The following PCBP3 variants were observed in gnomAD, a reference collection of about 807,000 sequenced individuals.
PCBP3 encodes the protein poly(rC)-binding protein 3.
Under a neutral mutation model 52.7 loss-of-function variants are expected in PCBP3, and 25 were observed. The observed-to-expected ratio is 0.47, with a 90% CI of 0.35 to 0.66. The LOEUF is 0.66. Ranked by LOEUF, PCBP3 falls within the 30% of genes least tolerant of loss-of-function variation. The probability of loss-of-function intolerance (pLI) is 0.01; values close to 1 mark genes in which losing one functional copy is unlikely to be tolerated. For missense variants in PCBP3, 391 were observed against 490.3 expected, an observed-to-expected ratio of 0.80 and a Z score of 1.91; for synonymous variants, 162 against 183.0, an observed-to-expected ratio of 0.89 and a Z score of 0.93.
chr21:45,842,265 C>T (rs750696416), intron 4 of PCBP3, among the ~76,000 whole-genome samples: 2 of 152,140 alleles, frequency 1.3e-5, no homozygotes, highest in Admixed American at 6.5e-5. Flanking sequence ...ACTACAAGTA[C>T]GATTTGGAGT....
intron 3 of PCBP3, among the ~76,000 whole-genome samples, chr21:45,745,998 T>C (rs1449001928): frequency 7.3e-6 from 1 of 136,758 alleles, no homozygotes; most frequent in Non-Finnish European, 1.6e-5. Flanking sequence ...CACACGGTGT[T>C]GTGTCAGCAT....
chr21:45,787,783 A>G (rs2091262067), intron 4 of PCBP3, among the ~76,000 whole-genome samples: 1 of 152,226 alleles, frequency 6.6e-6, no homozygotes, highest in Non-Finnish European at 1.5e-5. Context: ...GGTCTGTAGC[A>G]TGCCAGGCAC....
In PCBP3 at chr21:45,827,655, T is replaced by G. The variant is rs1485841478; in HGVS notation, c.-125-22306T>G. ...TAGAAATTCACATTGTACACTGTGA[T>G]GTATGCAGTTTTATGTACATCAGTT... On this transcript the variant is annotated intron_variant, in intron 4 of 17. Coordinates refer to ENST00000681687, the MANE Select transcript of PCBP3 (RefSeq NM_001384156.1). The surrounding 1 kb of genome is among the most constrained non-coding windows in gnomAD (Gnocchi z 4.3). 2.0e-5 allele frequency among the ~76,000 whole-genome samples: 3 copies of G among 152,206 alleles called. No homozygotes were observed. The highest frequency in any genetic ancestry group is 7.2e-5 in the African/African-American group (3 of 41,458).
At chr21:45,687,376 T>C (rs2147702507) in intron 2 of PCBP3, among the ~76,000 whole-genome samples, 1 of 152,332 alleles carries the variant, frequency 6.6e-6, no homozygotes, top group South Asian at 2.1e-4. Context: ...GGTGAGCATC[T>C]ATCCATCAAG....
chr21:45,680,933 T>C (rs1240561838), intron 2 of PCBP3, among the ~76,000 whole-genome samples: 1 of 152,192 alleles, frequency 6.6e-6, no homozygotes, highest in Non-Finnish European at 1.5e-5. Flanking sequence ...TTACTTCCCA[T>C]GGTTTGGGAA....
chr21:45,867,537 T>G (rs1372291578), intron 5 of PCBP3, among the ~76,000 whole-genome samples: 1 of 152,222 alleles, frequency 6.6e-6, no homozygotes, highest in African/African-American at 2.4e-5. Context: ...GCAAATATCC[T>G]TCCACCAGCC....
intron 2 of PCBP3, among the ~76,000 whole-genome samples, chr21:45,680,771 A>G (rs149535954): frequency 1.8e-4 from 28 of 152,370 alleles, no homozygotes; most frequent in African/African-American, 6.5e-4. Context: ...ATGTTAGGGG[A>G]AAATCATTCA....
intron 2 of PCBP3, among the ~76,000 whole-genome samples, chr21:45,716,205 C>G (rs933040950): frequency 1.3e-5 from 2 of 152,066 alleles, no homozygotes; most frequent in Admixed American, 6.5e-5. Context: ...TGTCCCAGCA[C>G]ACTGGGACAA....
rs756159802 is a variant in PCBP3, at chr21:45,747,388, G to A, written c.-161-8029G>A. 5.6e-4 allele frequency among the ~76,000 whole-genome samples: 85 copies of A among 152,192 alleles called. 1 individual carries two copies. The highest frequency in any genetic ancestry group is 1.1e-3 in the Non-Finnish European group (73 of 68,028). ...AGCCATATCAATTGCAAAGCCCACC[G>A]GGCATCCTTGTTCTGAGAGGAGCAC... On this transcript the variant is annotated intron_variant, in intron 3 of 17. Coordinates refer to ENST00000681687, the MANE Select transcript of PCBP3 (RefSeq NM_001384156.1).
At chr21:45,744,458 A>G (rs182669482) in intron 3 of PCBP3, 1 of 152,270 alleles carries the variant, frequency 6.6e-6, no homozygotes, top group East Asian at 1.9e-4. Flanking sequence ...CGTCCTCTCA[A>G]AGTGCTAGGA....
At chr21:45,695,826 A>T (rs192646794) in intron 2 of PCBP3, among the ~76,000 whole-genome samples, 1 of 152,100 alleles carries the variant, frequency 6.6e-6, no homozygotes. Context: ...CACGTGTGTA[A>T]TCCCAGCACT....
chr21:45,758,929 A>G (rs2088339578), intron 4 of PCBP3, among the ~76,000 whole-genome samples: 1 of 152,080 alleles, frequency 6.6e-6, no homozygotes, highest in South Asian at 2.1e-4. Context: ...ATTTTGTCAC[A>G]TATTTTATCT....
At chr21:45,650,229 T>C (rs1052979513) in intron 1 of PCBP3, among the ~76,000 whole-genome samples, 15 of 151,848 alleles carry the variant, frequency 9.9e-5, no homozygotes, top group African/African-American at 3.4e-4. Flanking sequence ...TCCTAGCTAC[T>C]TGGGGGACTG....
intron 4 of PCBP3, among the ~76,000 whole-genome samples, chr21:45,758,655 G>A (rs60604183): frequency 0.16 from 24,747 of 151,684 alleles, 2,136 homozygotes; most frequent in Middle Eastern, 0.31. Flanking sequence ...TATTGATCTC[G>A]TATCTTGCAA....
chr21:45,678,353 A>T (rs1208880912), intron 2 of PCBP3, among the ~76,000 whole-genome samples: 1 of 151,968 alleles, frequency 6.6e-6, no homozygotes, highest in Non-Finnish European at 1.5e-5. Flanking sequence ...TACATTTTGT[A>T]AGGCTATAGC....
chr21:45,861,249 C>T (rs1208434116), intron 5 of PCBP3, among the ~76,000 whole-genome samples: 2 of 152,242 alleles, frequency 1.3e-5, no homozygotes, highest in Admixed American at 1.3e-4. Flanking sequence ...ACCCACAGCA[C>T]CCACCTGGGC....
chr21:45,849,216 T>TTTG, intron 4 of PCBP3, among the ~76,000 whole-genome samples: 1 of 151,366 alleles, frequency 6.6e-6, no homozygotes, highest in Non-Finnish European at 1.5e-5. Flanking sequence ...TTTTTCTTTT[T>TTTG]TGAGACGGAG....
At chr21:45,760,421 T>C (rs1449569170) in intron 4 of PCBP3, 1 of 152,216 alleles carries the variant, frequency 6.6e-6, no homozygotes, top group Non-Finnish European at 1.5e-5. Flanking sequence ...AAGAAGGCAT[T>C]ATAAACAAAG....
chr21:45,707,924 A>G (rs1010605585), intron 2 of PCBP3, among the ~76,000 whole-genome samples: 3 of 152,226 alleles, frequency 2.0e-5, no homozygotes, highest in African/African-American at 7.2e-5. Context: ...ATGTAGCCCC[A>G]GGAAGCTGGT....
Sources: allele counts gnomAD v4.1 joint callset (sites outside exome capture counted in the v4.1 genomes callset), GRCh38; gene constraint gnomAD v4.1.1; non-coding constraint Gnocchi (gnomAD v3.1); transcripts MANE v1.5; gene names NCBI Gene and HGNC (gene_info 2026-07-23, HGNC 2026-07-21).